Variants in MYO3A observed in about 807,000 individuals in gnomAD.
The protein encoded by MYO3A is myosin IIIA.
MYO3A carries 180 observed loss-of-function variants against 192.7 expected under a neutral mutation model. The observed-to-expected ratio is 0.93, with a 90% CI of 0.83 to 1.06. The LOEUF is 1.06. Ranked by LOEUF, MYO3A falls within the 50% of genes least tolerant of loss-of-function variation. MYO3A has a pLI of 0.00. For synonymous variants in MYO3A, 628 were observed against 645.3 expected, an observed-to-expected ratio of 0.97 and a Z score of 0.41; for missense variants, 1,896 against 1,905.0, an observed-to-expected ratio of 1.00 and a Z score of 0.09.
At chr10:25,993,615 T>G (rs895218186) in intron 4 of MYO3A, among the ~76,000 whole-genome samples, 7 of 152,200 alleles carry the variant, frequency 4.6e-5, no homozygotes, top group African/African-American at 1.7e-4. Context: ...AGGGTGTCAA[T>G]TTTAGATCTT....
intron 4 of MYO3A, among the ~76,000 whole-genome samples, chr10:25,969,014 C>T (rs568229855): frequency 2.6e-5 from 4 of 152,110 alleles, no homozygotes; most frequent in South Asian, 4.1e-4. Flanking sequence ...CCAAGGTGGG[C>T]GGATGACAAG....
intron 23 of MYO3A, among the ~76,000 whole-genome samples, chr10:26,151,597 G>A (rs776202035): frequency 2.6e-5 from 4 of 152,032 alleles, no homozygotes; most frequent in East Asian, 1.9e-4. Flanking sequence ...ACATAGTTGC[G>A]TCTTGGTTTT....
rs753270542 is a variant in MYO3A, at chr10:26,026,484, C to G, written c.905C>G (p.Thr302Arg). 1.2e-6 allele frequency: 2 copies of G among 1,614,090 alleles called. No individual in the cohort carries two copies. Among genetic ancestry groups the G allele is most frequent in the African/African-American group, 2.7e-5 (2 of 75,022 alleles). Residue 302 changes from threonine to arginine, a missense_variant, in exon 10 of 35, where the codon ACG becomes AGG. Thr to Arg is a moderately conservative substitution (Grantham distance 71, BLOSUM62 -1). Coordinates refer to ENST00000642920, the MANE Select transcript of MYO3A (RefSeq NM_017433.5). The part of the protein sequence containing the change: ...GKDVMLQKQL[T>R]EFIGIHQCMG... ...GATGTGATGCTACAAAAACAACTAA[C>G]GGAATTCATTGGCATCCATCAATGC... is the stretch of plus-strand genomic sequence containing the variant.
intron 25 of MYO3A, among the ~76,000 whole-genome samples, chr10:26,155,416 G>T (rs919329456): frequency 3.3e-5 from 5 of 152,124 alleles, no homozygotes; most frequent in Non-Finnish European, 5.9e-5. Context: ...CTGTGCTCTA[G>T]ATAACCCTCC....
chr10:25,975,029 G>A (rs1838887292), intron 4 of MYO3A, among the ~76,000 whole-genome samples: 2 of 152,170 alleles, frequency 1.3e-5, no homozygotes, highest in Non-Finnish European at 2.9e-5. Context: ...CCAAAAGCAG[G>A]CACTTTGAGG....
At chr10:26,007,953 A>G (rs553540386) in intron 6 of MYO3A, among the ~76,000 whole-genome samples, 13,302 of 150,608 alleles carry the variant, frequency 0.088, 1,042 homozygotes, top group African/African-American at 0.2. Flanking sequence ...GAACAAAGCT[A>G]AAGGCATCAC....
intron 31 of MYO3A, among the ~76,000 whole-genome samples, chr10:26,177,099 G>T (rs1199365198): frequency 6.6e-6 from 1 of 151,654 alleles, no homozygotes; most frequent in Non-Finnish European, 1.5e-5. Context: ...GGCATATGAC[G>T]CCACAAGGGA....
chr10:26,154,077 T>A (rs988340211), intron 24 of MYO3A, 148 bp downstream of exon 24: 2 of 667,874 alleles, frequency 3.0e-6, no homozygotes, highest in Non-Finnish European at 2.7e-6. Context: ...ATTTATGTTA[T>A]GTTCTTGTTA....
intron 32 of MYO3A, among the ~76,000 whole-genome samples, chr10:26,198,062 T>G (rs1022403450): frequency 6.6e-6 from 1 of 152,246 alleles, no homozygotes; most frequent in African/African-American, 2.4e-5. Flanking sequence ...CAGGGGCTGT[T>G]GAGTTGTAGA....
chr10:25,964,042 T>C (rs953467987), intron 4 of MYO3A, among the ~76,000 whole-genome samples: 2 of 152,152 alleles, frequency 1.3e-5, no homozygotes, highest in East Asian at 1.9e-4. Context: ...AAAATATTTC[T>C]TCTGGTAAGT....
chr10:26,016,973 T>A (rs1842020281), intron 7 of MYO3A, 77 bp downstream of exon 7: 2 of 1,375,080 alleles, frequency 1.5e-6, no homozygotes, highest in South Asian at 2.3e-5. Flanking sequence ...ACTCTATCTC[T>A]GTAAGCATTT....
intron 17 of MYO3A, among the ~76,000 whole-genome samples, chr10:26,102,146 T>G (rs1837493631): frequency 6.6e-6 from 1 of 152,212 alleles, no homozygotes; most frequent in South Asian, 2.1e-4. Context: ...TTTCATTCAT[T>G]TGATCTTCAA....
At chr10:26,050,159 C>T (rs1843905586) in intron 10 of MYO3A, among the ~76,000 whole-genome samples, 1 of 151,798 alleles carries the variant, frequency 6.6e-6, no homozygotes, top group Non-Finnish European at 1.5e-5. Context: ...TCCTTTGACC[C>T]AACAGATTTT....
chr10:25,946,907 A>G (rs1362414896), intron 2 of MYO3A, among the ~76,000 whole-genome samples: 1 of 127,290 alleles, frequency 7.9e-6, no homozygotes, highest in East Asian at 2.2e-4. Context: ...AAAAAAAAAA[A>G]GATTTGCCTT....
intron 1 of MYO3A, among the ~76,000 whole-genome samples, chr10:25,935,472 A>T (rs1564383001): frequency 6.6e-6 from 1 of 152,216 alleles, no homozygotes. Flanking sequence ...TTGGTGAATT[A>T]ACTAATTGTA....
At position 26,026,500 on chromosome 10, in the gene MYO3A, C is replaced by A. The variant is rs1357662457; in HGVS notation, c.921C>A (p.Ile307=). The A allele has an allele frequency of 6.2e-7, 1 of 1,613,932 alleles. No homozygotes were observed. Among genetic ancestry groups the A allele is most frequent in the Non-Finnish European group, 8.5e-7 (1 of 1,179,986 alleles). ...LQKQLTEFIG[I]HQCMGGTEKA... is the part of the protein sequence containing the mutation. ...AACAACTAACGGAATTCATTGGCAT[C>A]CATCAATGCATGGGAGGCACAGAAA... Residue 307 remains isoleucine, a synonymous_variant, in exon 10 of 35, where the codon ATC becomes ATA. Coordinates refer to ENST00000642920, the MANE Select transcript of MYO3A (RefSeq NM_017433.5).
intron 29 of MYO3A, among the ~76,000 whole-genome samples, chr10:26,172,726 T>C (rs939637134): frequency 1.3e-5 from 2 of 152,202 alleles, no homozygotes; most frequent in African/African-American, 4.8e-5. Flanking sequence ...TTTTGACTGA[T>C]CCTAGCAGGA....
At chr10:26,139,131 C>T (rs907763064) in intron 20 of MYO3A, among the ~76,000 whole-genome samples, 1 of 152,148 alleles carries the variant, frequency 6.6e-6, no homozygotes, top group Non-Finnish European at 1.5e-5. Context: ...ATGTGCTAAG[C>T]ATGTATCTAC....
At chr10:26,136,288 G>C (rs1411449231) in intron 20 of MYO3A, among the ~76,000 whole-genome samples, 1 of 152,020 alleles carries the variant, frequency 6.6e-6, no homozygotes, top group Non-Finnish European at 1.5e-5. Flanking sequence ...GAATATTGAG[G>C]GTCATATATA....
Sources: gnomAD v4.1 joint callset for allele counts (sites outside exome capture counted in the v4.1 genomes callset) on GRCh38, gnomAD v4.1.1 for gene constraint, MANE v1.5 for transcripts, NCBI Gene and HGNC (gene_info 2026-07-23, HGNC 2026-07-21) for gene names.